Variants in LRRC37A2 observed in about 807,000 individuals in gnomAD.
LRRC37A2 encodes leucine-rich repeat-containing protein 37A2.
A neutral mutation model predicts 68.8 loss-of-function variants in LRRC37A2; 9 were observed. The observed-to-expected ratio is 0.13, with a 90% CI of 0.08 to 0.23. The LOEUF (loss-of-function observed/expected upper bound fraction) is 0.23, where lower values mean the gene tolerates loss of function less well. Ranked by LOEUF, LRRC37A2 falls within the 10% of genes least tolerant of loss-of-function variation. The probability of loss-of-function intolerance (pLI) is 1.00; values close to 1 mark genes in which losing one functional copy is unlikely to be tolerated. For missense variants in LRRC37A2, 168 were observed against 950.4 expected (o/e 0.18, Z 10.82); for synonymous variants, 63 against 367.6 (o/e 0.17, Z 9.48).
At chr17:46,931,257 A>C in the LRRC37A2 span, 1 of 892,070 alleles carries the variant, frequency 1.1e-6, no homozygotes, top group Non-Finnish European at 1.9e-6. Flanking sequence ...CCATCAAGAC[A>C]GGCTTTTCTC....
At chr17:46,900,198 TATATACACACACACACAC>T in the LRRC37A2 span, among the ~76,000 whole-genome samples, 9 of 92,060 alleles carry the variant, frequency 9.8e-5, no homozygotes, top group African/African-American at 4.5e-4. Context: ...TATATATATA[TATATACACACACACACAC>T]ACACATATAT....
chr17:46,888,562 A>AC, the LRRC37A2 span, among the ~76,000 whole-genome samples: 1 of 152,144 alleles, frequency 6.6e-6, no homozygotes, highest in Non-Finnish European at 1.5e-5. Flanking sequence ...AATCCTGGGT[A>AC]CAGGAGGGCA....
chr17:46,900,196 T>TACATATAC, the LRRC37A2 span, among the ~76,000 whole-genome samples: 2 of 105,580 alleles, frequency 1.9e-5, no homozygotes, highest in South Asian at 3.0e-4. Context: ...TATATATATA[T>TACATATAC]ATATATACAC....
At chr17:46,841,558 G>T in the LRRC37A2 span, among the ~76,000 whole-genome samples, 3 of 152,252 alleles carry the variant, frequency 2.0e-5, no homozygotes, top group African/African-American at 7.2e-5. Flanking sequence ...GGGTTAAGGT[G>T]GGGGCGTGGG....
At chr17:46,815,770 T>C in the LRRC37A2 span, among the ~76,000 whole-genome samples, 1 of 152,174 alleles carries the variant, frequency 6.6e-6, no homozygotes, top group African/African-American at 2.4e-5. Flanking sequence ...TAGCTTGCCA[T>C]CCCTGGCCAG....
chr17:46,912,259 C>T, the LRRC37A2 span, among the ~76,000 whole-genome samples: 7 of 152,188 alleles, frequency 4.6e-5, no homozygotes, highest in African/African-American at 1.2e-4. Context: ...CTGAGCCCTG[C>T]GAATGCCTAA....
chr17:46,932,800 A>G, the LRRC37A2 span: 1 of 163,240 alleles, frequency 6.1e-6, no homozygotes, highest in African/African-American at 2.4e-5. Flanking sequence ...TTTCCTGCAC[A>G]TGGCTGTAGA....
the LRRC37A2 span, among the ~76,000 whole-genome samples, chr17:47,025,805 A>T: frequency 8.2e-6 from 1 of 122,416 alleles, no homozygotes; most frequent in East Asian, 2.2e-4. Flanking sequence ...GGGTGTAAAG[A>T]CCCTCAGGTG....
At chr17:46,929,562 G>T in the LRRC37A2 span, 2 of 1,549,654 alleles carry the variant, frequency 1.3e-6, no homozygotes, top group South Asian at 2.2e-5. Context: ...GCCTGGAGAC[G>T]GCAGACAAGC....
chr17:46,729,074 C>T, the LRRC37A2 span: 2 of 558,134 alleles, frequency 3.6e-6, no homozygotes, highest in Admixed American at 3.5e-5. Flanking sequence ...GTCGTCCAGT[C>T]TTGACTTCTG....
chr17:47,035,137 C>A, the LRRC37A2 span: 1 of 152,240 alleles, frequency 6.6e-6, no homozygotes, highest in African/African-American at 2.4e-5. Flanking sequence ...CTATACAGCA[C>A]AACATGCTTC....
the LRRC37A2 span, chr17:46,764,351 G>C: frequency 1.3e-5 from 2 of 152,542 alleles, no homozygotes; most frequent in African/African-American, 4.8e-5. Context: ...ATAAGCCTCA[G>C]GTCTGTTCCT....
At chr17:46,868,470 C>T in the LRRC37A2 span, among the ~76,000 whole-genome samples, 1 of 152,090 alleles carries the variant, frequency 6.6e-6, no homozygotes, top group South Asian at 2.1e-4. Context: ...GTGGCACGTG[C>T]CCATAATCCC....
the LRRC37A2 span, among the ~76,000 whole-genome samples, chr17:46,685,285 A>T: frequency 1.3e-5 from 2 of 148,492 alleles, no homozygotes; most frequent in African/African-American, 5.0e-5. Flanking sequence ...ACTACTGATG[A>T]TAAAATTGAG....
chr17:46,610,081 T>TTTCC, the LRRC37A2 span, among the ~76,000 whole-genome samples: 4 of 104,582 alleles, frequency 3.8e-5, no homozygotes, highest in African/African-American at 1.5e-4. Context: ...TCTTTCCTTC[T>TTTCC]TTCTTTCTTT....
intron 3 of LRRC37A2, among the ~76,000 whole-genome samples, chr17:46,519,669 G>GT (rs919561951): frequency 1.5e-5 from 2 of 134,278 alleles, no homozygotes; most frequent in African/African-American, 6.0e-5. Flanking sequence ...TGAGCCAGGA[G>GT]TTTGAGACCA....
the LRRC37A2 span, among the ~76,000 whole-genome samples, chr17:46,764,907 G>A: frequency 2.0e-5 from 3 of 152,236 alleles, no homozygotes; most frequent in Non-Finnish European, 4.4e-5. Context: ...GGAAGCCCAG[G>A]AGCAGGTCAC....
chr17:46,888,010 G>A, the LRRC37A2 span, among the ~76,000 whole-genome samples: 1 of 152,220 alleles, frequency 6.6e-6, no homozygotes, highest in South Asian at 2.1e-4. Context: ...GATAGGGAGA[G>A]CAGGGAGACT....
chr17:46,924,304 T>A, the LRRC37A2 span: 1 of 154,936 alleles, frequency 6.5e-6, no homozygotes, highest in Non-Finnish European at 1.4e-5. Flanking sequence ...TCATTCTGTT[T>A]TATGACGGAA....
Sources: allele counts gnomAD v4.1 joint callset (sites outside exome capture counted in the v4.1 genomes callset), GRCh38; gene constraint gnomAD v4.1.1; transcripts MANE v1.5; gene names NCBI Gene and HGNC (gene_info 2026-07-23, HGNC 2026-07-21).